The following LDB2 variants were observed in gnomAD, a reference collection of about 807,000 sequenced individuals.
LDB2 encodes LIM domain-binding protein 2.
In LDB2, 12 loss-of-function variants were observed where a neutral mutation model predicts 44.3. The ratio of observed to expected loss-of-function variants is 0.27; its 90% CI spans 0.17 to 0.44. The LOEUF (loss-of-function observed/expected upper bound fraction) is 0.44. Among genes scored for constraint, LDB2 ranks in the 20% least tolerant of loss-of-function variants. The pLI is 1.00. For synonymous variants in LDB2, 164 were observed against 174.8 expected (o/e 0.94, Z 0.49); for missense variants, 344 against 473.5 (o/e 0.73, Z 2.54).
At chr4:16,520,329 A>G (rs796117951) in intron 5 of LDB2, among the ~76,000 whole-genome samples, 5 of 151,852 alleles carry the variant, frequency 3.3e-5, no homozygotes, top group African/African-American at 1.2e-4. Context: ...AATAATCCCC[A>G]CTAAGAAGCA....
At chr4:16,718,878 G>C (rs1252995874) in intron 2 of LDB2, among the ~76,000 whole-genome samples, 1 of 152,016 alleles carries the variant, frequency 6.6e-6, no homozygotes, top group Non-Finnish European at 1.5e-5. Context: ...GGTATCAATT[G>C]TTCTTAAAAG....
Position 16,585,948 on chromosome 4 carries a change from T to C in LDB2, c.589A>G (p.Thr197Ala). Residue 197 changes from threonine to alanine, a missense_variant, in exon 5 of 8, where the codon ACA becomes GCA. Thr to Ala is a moderately conservative substitution (Grantham distance 58). Around this residue, in one of 3 missense-constraint regions of LDB2, gnomAD observed 226 missense variants for 270.1 expected, o/e 0.84. Transcript: ENST00000304523. The part of the protein sequence containing the change: ...LSKNITRMGL[T>A]NFTLNYLRLC... ...CTGAGGTAGTTGAGGGTGAAGTTTGTTAGCCCCATCCTGGTGATGTTTTTG... is the reference window on the plus strand; with the variant it reads ...CTGAGGTAGTTGAGGGTGAAGTTTGCTAGCCCCATCCTGGTGATGTTTTTG... 6.2e-7 allele frequency: 1 copy of C among 1,613,828 alleles called. No homozygotes were observed. The highest frequency in any genetic ancestry group is 2.2e-5 in the East Asian group (1 of 44,864).
intron 2 of LDB2, among the ~76,000 whole-genome samples, chr4:16,601,660 G>A (rs141126343): frequency 9.2e-4 from 140 of 152,096 alleles, no homozygotes; most frequent in African/African-American, 2.9e-3. Context: ...AGATAAATTC[G>A]TTGGCTAAAT....
chr4:16,518,681 T>C (rs1724809999), intron 5 of LDB2, among the ~76,000 whole-genome samples: 1 of 152,194 alleles, frequency 6.6e-6, no homozygotes, highest in Non-Finnish European at 1.5e-5. Flanking sequence ...ACAGAAAGTT[T>C]GTTGACCCTT....
chr4:16,640,152 A>G (rs1000676860), intron 2 of LDB2, among the ~76,000 whole-genome samples: 1 of 152,224 alleles, frequency 6.6e-6, no homozygotes, highest in Admixed American at 6.5e-5. Context: ...GCATTACCCA[A>G]TCATCTGTTT....
At chr4:16,642,351 TA>T (rs1735440342) in intron 2 of LDB2, among the ~76,000 whole-genome samples, 1 of 151,938 alleles carries the variant, frequency 6.6e-6, no homozygotes, top group South Asian at 2.1e-4. Context: ...GGAGAGAACA[TA>T]GCAGGTAAAC....
chr4:16,636,424 A>G (rs1733621711), intron 2 of LDB2, among the ~76,000 whole-genome samples: 1 of 152,254 alleles, frequency 6.6e-6, no homozygotes, highest in African/African-American at 2.4e-5. Flanking sequence ...CCTAACAGGC[A>G]GTAGGCCCAC....
intron 2 of LDB2, among the ~76,000 whole-genome samples, chr4:16,742,874 C>T (rs1763600595): frequency 6.6e-6 from 1 of 152,206 alleles, no homozygotes; most frequent in Non-Finnish European, 1.5e-5. Flanking sequence ...TACCTCACTG[C>T]CCCTCGCCTC....
chr4:16,711,340 T>C (rs1045143966), intron 2 of LDB2, among the ~76,000 whole-genome samples: 31 of 152,344 alleles, frequency 2.0e-4, no homozygotes, highest in African/African-American at 7.5e-4. Flanking sequence ...CCCAGGACAC[T>C]GTGCTGGGCT....
At chr4:16,573,379 T>C (rs1288115692) in intron 5 of LDB2, among the ~76,000 whole-genome samples, 1 of 152,134 alleles carries the variant, frequency 6.6e-6, no homozygotes, top group Non-Finnish European at 1.5e-5. Flanking sequence ...CCACTTGCCA[T>C]ATGAGCTCGA....
intron 2 of LDB2, among the ~76,000 whole-genome samples, chr4:16,651,747 T>C (rs928423410): frequency 6.6e-6 from 1 of 152,172 alleles, no homozygotes; most frequent in Non-Finnish European, 1.5e-5. Context: ...TATGACCCTG[T>C]CTTCTTTGTT....
intron 5 of LDB2, among the ~76,000 whole-genome samples, chr4:16,554,818 G>A (rs962365148): frequency 4.6e-5 from 7 of 152,202 alleles, no homozygotes; most frequent in African/African-American, 1.7e-4. Context: ...CAGTGAAATT[G>A]CTCTCTATGA....
intron 2 of LDB2, among the ~76,000 whole-genome samples, chr4:16,696,036 T>A (rs1752051101): frequency 6.6e-6 from 1 of 152,156 alleles, no homozygotes; most frequent in Admixed American, 6.6e-5. Flanking sequence ...AGCAATGGGA[T>A]CCCTGACTTG....
At chr4:16,738,970 G>T (rs1011632602) in intron 2 of LDB2, among the ~76,000 whole-genome samples, 1 of 152,048 alleles carries the variant, frequency 6.6e-6, no homozygotes, top group Non-Finnish European at 1.5e-5. Context: ...TATCATTCTG[G>T]AATATGCCTC....
chr4:16,836,537 T>C (rs1274561994), intron 1 of LDB2, among the ~76,000 whole-genome samples: 2 of 152,190 alleles, frequency 1.3e-5, no homozygotes, highest in Non-Finnish European at 1.5e-5. Flanking sequence ...TTTCTATTGA[T>C]CTCTGCTGCA....
chr4:16,882,944 T>C (rs7661430), intron 1 of LDB2, among the ~76,000 whole-genome samples: 93,069 of 152,098 alleles, frequency 0.61, 29,059 homozygotes, highest in East Asian at 0.85. Context: ...AAAAAACTGG[T>C]GATGCAGGGC....
At chr4:16,645,533 G>A (rs888602582) in intron 2 of LDB2, among the ~76,000 whole-genome samples, 11 of 102,568 alleles carry the variant, frequency 1.1e-4, no homozygotes, top group African/African-American at 4.2e-4. Flanking sequence ...GACAGAGCGA[G>A]ACTCCGTCTC....
At chr4:16,725,372 C>T (rs1213707247) in intron 2 of LDB2, among the ~76,000 whole-genome samples, 2 of 151,842 alleles carry the variant, frequency 1.3e-5, no homozygotes, top group Non-Finnish European at 2.9e-5. Flanking sequence ...GAACTCTGAC[C>T]TACAGCATGC....
At chr4:16,536,357 T>G (rs115330063) in intron 5 of LDB2, among the ~76,000 whole-genome samples, 144 of 152,274 alleles carry the variant, frequency 9.5e-4, no homozygotes, top group African/African-American at 3.3e-3. Flanking sequence ...GGGCTGTGGC[T>G]TTCCAAATTG....
Sources: allele counts gnomAD v4.1 joint callset (sites outside exome capture counted in the v4.1 genomes callset), GRCh38; gene constraint gnomAD v4.1.1; regional missense constraint gnomAD v4.1.1; transcripts MANE v1.5; gene names NCBI Gene and HGNC (gene_info 2026-07-23, HGNC 2026-07-21).